Variants in ALMS1 observed in about 807,000 individuals in gnomAD.
The protein encoded by ALMS1 is centrosome-associated protein ALMS1.
In ALMS1, 271 loss-of-function variants were observed where a neutral mutation model predicts 352.2. The observed-to-expected ratio is 0.77, with a 90% confidence interval of 0.70 to 0.85. ALMS1 has a LOEUF of 0.85. Among genes scored for constraint, ALMS1 ranks in the 40% least tolerant of loss-of-function variants. ALMS1 has a pLI of 0.00. For synonymous variants in ALMS1, 1,865 were observed against 1,761.2 expected, an observed-to-expected ratio of 1.06 and a Z score of -1.48; for missense variants, 5,445 against 4,870.7, an observed-to-expected ratio of 1.12 and a Z score of -3.51.
intron 11 of ALMS1, among the ~76,000 whole-genome samples, chr2:73,529,125 C>G (rs1673855714): frequency 6.7e-6 from 1 of 148,606 alleles, no homozygotes; most frequent in African/African-American, 2.5e-5. Context: ...CTCACTGCAG[C>G]CTCTGCCGCC....
chr2:73,536,930 C>G (rs979267175), intron 12 of ALMS1, among the ~76,000 whole-genome samples: 1 of 152,202 alleles, frequency 6.6e-6, no homozygotes, highest in African/African-American at 2.4e-5. Flanking sequence ...TTCCCAGTAC[C>G]TCAGCTCAGT....
At chr2:73,529,061 TGAGATGGA>T in intron 11 of ALMS1, among the ~76,000 whole-genome samples, 1 of 143,320 alleles carries the variant, frequency 7.0e-6, no homozygotes, top group Non-Finnish European at 1.5e-5. Flanking sequence ...TTTTTTTTTT[TGAGATGGA>T]CTCTTGCTCT....
chr2:73,474,642 T>C (rs941599181), intron 9 of ALMS1, among the ~76,000 whole-genome samples: 5 of 151,988 alleles, frequency 3.3e-5, no homozygotes, highest in African/African-American at 9.7e-5. Context: ...ACCTGGCTGA[T>C]GTGTCATTAA....
intron 16 of ALMS1, among the ~76,000 whole-genome samples, chr2:73,580,687 C>G (rs1675158484): frequency 6.6e-6 from 1 of 152,128 alleles, no homozygotes; most frequent in African/African-American, 2.4e-5. Context: ...TGTGATAACT[C>G]TGGACATCAG....
At chr2:73,427,830 C>A (rs1338146032) in intron 6 of ALMS1, among the ~76,000 whole-genome samples, 1 of 152,000 alleles carries the variant, frequency 6.6e-6, no homozygotes, top group Non-Finnish European at 1.5e-5. Context: ...TGTGATATAG[C>A]CTTATATCCT....
In ALMS1 at chr2:73,419,396, C is replaced by T. The variant is rs1572911231; in HGVS notation, c.646+78C>T. 9.1e-6 allele frequency: 13 copies of T among 1,425,448 alleles called. No individual in the cohort carries two copies. The East Asian group carries it at 3.0e-4, about 33-fold the overall frequency. The allele number at this position is 1,425,448 out of a possible 1,614,324, so 88.3% of individuals were successfully genotyped here. ...CGGGGACTGCAAGTCTTGTAACTTT[C>T]CCCTTTTTGAGTTAAGGAGCTCTGT... On this transcript the variant is annotated intron_variant, in intron 3 of 22. Transcript: ENST00000613296.
intron 12 of ALMS1, among the ~76,000 whole-genome samples, chr2:73,538,029 A>AAAG (rs987700379): frequency 8.5e-5 from 13 of 152,172 alleles, no homozygotes; most frequent in African/African-American, 3.1e-4. Flanking sequence ...ACAAAAAAAC[A>AAAG]AAGGCAACAA....
At chr2:73,430,328 G>A (rs1470983340) in intron 6 of ALMS1, among the ~76,000 whole-genome samples, 2 of 151,982 alleles carry the variant, frequency 1.3e-5, no homozygotes, top group Admixed American at 6.6e-5. Flanking sequence ...CGCCCGCCTC[G>A]GCCTCCCAGA....
intron 12 of ALMS1, among the ~76,000 whole-genome samples, chr2:73,549,128 G>T (rs1573012118): frequency 6.6e-6 from 1 of 152,122 alleles, no homozygotes; most frequent in Non-Finnish European, 1.5e-5. Flanking sequence ...GAGGATCTTA[G>T]AAAAATCATC....
rs745830774 is a variant in ALMS1 at position 73,601,273 on chromosome 2, G to T, written c.11951G>T (p.Gly3984Val). ...KENVPNTCGP[G>V]ISWFEPITKT... ...AACGTGCCTAACACTTGTGGCCCTG[G>T]CATCTCCTGGTTTGAACCAATAACC... The change falls in exon 19 of 23, where the codon GGC (glycine) becomes GTC (valine). Residue 3984 changes from glycine to valine, a missense_variant. Gly to Val is a moderately radical substitution (Grantham distance 109). Coordinates refer to ENST00000613296, the MANE Select transcript of ALMS1 (RefSeq NM_001378454.1). 6.2e-7 allele frequency: 1 copy of T among 1,614,204 alleles called. No homozygotes were observed. The highest frequency in any genetic ancestry group is 1.1e-5 in the South Asian group (1 of 91,088).
chr2:73,553,320 A>G (rs1330119756), intron 13 of ALMS1, among the ~76,000 whole-genome samples: 4 of 152,202 alleles, frequency 2.6e-5, no homozygotes, highest in African/African-American at 4.8e-5. Context: ...GAAAGAAAAC[A>G]TGGTGGGATT....
intron 9 of ALMS1, among the ~76,000 whole-genome samples, chr2:73,466,415 A>G (rs973873066): frequency 1.4e-5 from 2 of 145,290 alleles, no homozygotes; most frequent in Non-Finnish European, 3.0e-5. Context: ...GTTCTCACTC[A>G]TAGGTGGGAA....
chr2:73,564,031 G>GCTGTGT (rs1674725959), intron 15 of ALMS1, among the ~76,000 whole-genome samples: 1 of 151,596 alleles, frequency 6.6e-6, no homozygotes, highest in Non-Finnish European at 1.5e-5. Context: ...GTTGATGTGG[G>GCTGTGT]GTGTGTGTGG....
At position 73,550,929 on chromosome 2, in the gene ALMS1, A is replaced by G. The variant is rs965416616; in HGVS notation, c.10078+492A>G. On this transcript the variant is annotated intron_variant, in intron 13 of 22. Transcript: ENST00000613296. ...CAATTATAGCTCACTGCAGTGTTGA[A>G]CTCCTGGACTCCAGTGATCCTCCCA... Among the ~76,000 whole-genome samples, 4 of 151,844 alleles carry G rather than the reference A, an allele frequency of 2.6e-5. 1 individual carries two copies. In the Middle Eastern group the frequency reaches 0.01, roughly 387 times the overall value.
chr2:73,520,606 A>T (rs994261897), intron 11 of ALMS1, among the ~76,000 whole-genome samples: 1 of 152,236 alleles, frequency 6.6e-6, no homozygotes, highest in Non-Finnish European at 1.5e-5. Flanking sequence ...TGAGGAGCAC[A>T]TATAGGAGAT....
intron 8 of ALMS1, chr2:73,454,361 A>G (rs1672016326): frequency 1.0e-6 from 1 of 985,244 alleles, no homozygotes; most frequent in African/African-American, 1.7e-5. Context: ...ATTCTGATGT[A>G]TGACAGAGAG....
chr2:73,607,038 A>C (rs1273930380), intron 21 of ALMS1, among the ~76,000 whole-genome samples: 1 of 152,168 alleles, frequency 6.6e-6, no homozygotes, highest in Non-Finnish European at 1.5e-5. Flanking sequence ...AAACTTTAGG[A>C]AATATAGAGA....
chr2:73,460,916 T>C (rs1478901375), intron 9 of ALMS1, among the ~76,000 whole-genome samples: 1 of 152,122 alleles, frequency 6.6e-6, no homozygotes, highest in Non-Finnish European at 1.5e-5. Flanking sequence ...TGTGCAGGCT[T>C]GATTAGGTAA....
At chr2:73,454,613 AAG>A (rs1672021372) in intron 8 of ALMS1, among the ~76,000 whole-genome samples, 1 of 152,226 alleles carries the variant, frequency 6.6e-6, no homozygotes, top group African/African-American at 2.4e-5. Flanking sequence ...AGAGGTTTAA[AAG>A]AGAATATTTA....
Sources: allele counts gnomAD v4.1 joint callset (sites outside exome capture counted in the v4.1 genomes callset), GRCh38; gene constraint gnomAD v4.1.1; transcripts MANE v1.5; gene names NCBI Gene and HGNC (gene_info 2026-07-23, HGNC 2026-07-21).